The following ITPR3 variants were observed in gnomAD, a reference collection of about 807,000 sequenced individuals.
ITPR3 encodes the protein inositol 1,4,5-trisphosphate-gated calcium channel ITPR3.
A neutral mutation model predicts 293.2 loss-of-function variants in ITPR3; 173 were observed. The observed-to-expected ratio is 0.59, with a 90% confidence interval of 0.52 to 0.67. The LOEUF (loss-of-function observed/expected upper bound fraction) is 0.67. Among genes scored for constraint, ITPR3 ranks in the 30% least tolerant of loss-of-function variants. The probability of loss-of-function intolerance (pLI) is 0.00; values close to 1 mark genes in which losing one functional copy is unlikely to be tolerated. For synonymous variants in ITPR3, 1,295 were observed against 1,444.4 expected (o/e 0.90, Z 2.35); for missense variants, 2,796 against 3,592.1 (o/e 0.78, Z 5.66).
chr6:33,636,625 G>C (rs1372986573), intron 1 of ITPR3, among the ~76,000 whole-genome samples: 1 of 151,982 alleles, frequency 6.6e-6, no homozygotes, highest in Non-Finnish European at 1.5e-5. Context: ...AGATGGGGAG[G>C]ACCTCTGGAG....
At position 33,683,527 on chromosome 6, in the gene ITPR3, G is replaced by A; in HGVS notation, c.4788+130G>A. ...TGCCCACACTTCCAGGAAGGGGCTG[G>A]TTGGCTTCTCTACACTCTGGGGCTG... On this transcript the variant is annotated intron_variant, in intron 35 of 57. Coordinates refer to ENST00000605930, the MANE Select transcript of ITPR3 (RefSeq NM_002224.4). This position sits in a 1 kb window ranked among gnomAD's most constrained non-coding sequence, Gnocchi z 4.5. 1.2e-6 allele frequency: 1 copy of A among 842,930 alleles called. No individual in the cohort carries two copies. The highest frequency in any genetic ancestry group is 1.8e-6 in the Non-Finnish European group (1 of 567,326). The allele number at this position is 842,930 out of a possible 1,614,324, so 52.2% of individuals were successfully genotyped here.
intron 18 of ITPR3, among the ~76,000 whole-genome samples, chr6:33,669,990 TC>T (rs1451845920): frequency 2.1e-5 from 3 of 143,050 alleles, no homozygotes; most frequent in Non-Finnish European, 4.6e-5. Context: ...CTCCCCCTCC[TC>T]CCTCTCCCAT....
At chr6:33,678,965 C>A in intron 30 of ITPR3, 126 bp downstream of exon 30, 1 of 947,160 alleles carries the variant, frequency 1.1e-6, no homozygotes, top group South Asian at 1.6e-5. Flanking sequence ...CAGCTGCTGA[C>A]CATGGAGGGG....
Position 33,672,360 on chromosome 6 carries a change from C to A in ITPR3, c.2928+132C>A. 1.3e-6 allele frequency: 1 copy of A among 772,298 alleles called. No individual in the cohort carries two copies. The highest frequency in any genetic ancestry group is 2.0e-6 in the Non-Finnish European group (1 of 489,428). The allele number at this position is 772,298 out of a possible 1,614,324, so 47.8% of individuals were successfully genotyped here. On this transcript the variant is annotated intron_variant, in intron 22 of 57. Coordinates refer to ENST00000605930, the MANE Select transcript of ITPR3 (RefSeq NM_002224.4). The surrounding 1 kb of genome is among the most constrained non-coding windows in gnomAD (Gnocchi z 5.0). ...TACTGGAAGTCTCCATCGTGACTGGCTGTCAGGCCCAGCGGTTCCCACAGT... is the reference window on the plus strand; with the variant it reads ...TACTGGAAGTCTCCATCGTGACTGGATGTCAGGCCCAGCGGTTCCCACAGT...
chr6:33,625,551 A>C (rs1763532624), intron 1 of ITPR3, among the ~76,000 whole-genome samples: 1 of 152,154 alleles, frequency 6.6e-6, no homozygotes. Flanking sequence ...GAGTACCCAG[A>C]GAGGTAGCCC....
At position 33,686,422 on chromosome 6, in the gene ITPR3, C is replaced by T. The variant is rs764916084; in HGVS notation, c.5882C>T (p.Thr1961Ile). ...GCCTCCTGCCAGACTTGCATTGTGA[C>T]TCACGAGTCCAATGGCATAGACATC... ...PCHENQTCIVTHESNGIDIIT... is the reference protein window; with the variant it reads ...PCHENQTCIVIHESNGIDIIT... Residue 1961 changes from threonine to isoleucine, a missense_variant, in exon 43 of 58, where the codon ACT becomes ATT. This residue lies in a region of ITPR3 where 704 missense variants were observed against 797.5 expected (regional missense o/e 0.88). Coordinates refer to ENST00000605930, the MANE Select transcript of ITPR3 (RefSeq NM_002224.4). The T allele has an allele frequency of 1.9e-6, 3 of 1,614,070 alleles. No individual in the cohort carries two copies. In the South Asian group the frequency reaches 3.3e-5, roughly 18 times the overall value.
Position 33,692,940 on chromosome 6 carries a change from G to A in ITPR3, c.7624+47G>A, listed in dbSNP as rs946533424. On this transcript the variant is annotated intron_variant, in intron 55 of 57. Transcript: ENST00000605930. The surrounding 1 kb of genome is among the most constrained non-coding windows in gnomAD (Gnocchi z 4.2). ...GTGGAGGCCGCAGCGGGGCTGGAAC[G>A]TCATCTGATGCCAGTGGCAGTAGCG... The A allele has an allele frequency of 2.5e-6, 4 of 1,593,294 alleles. No individual in the cohort carries two copies. The highest frequency in any genetic ancestry group is 1.3e-5 in the African/African-American group (1 of 74,626).
In ITPR3 at chr6:33,693,526, C is replaced by T; in HGVS notation, c.7625-19C>T. 6.2e-7 allele frequency: 1 copy of T among 1,612,586 alleles called. No homozygotes were observed. Among genetic ancestry groups the T allele is most frequent in the Non-Finnish European group, 8.5e-7 (1 of 1,178,938 alleles). ...CTCTTGAAGGCTGATGGTTTCATTC[C>T]CGCCCTCTGCACCCTCAGGTCTGGA... On this transcript the variant is annotated intron_variant, in intron 55 of 57. Coordinates refer to ENST00000605930, the MANE Select transcript of ITPR3 (RefSeq NM_002224.4).
intron 2 of ITPR3, among the ~76,000 whole-genome samples, chr6:33,649,688 C>T (rs1042042144): frequency 1.3e-5 from 2 of 152,194 alleles, no homozygotes; most frequent in Non-Finnish European, 2.9e-5. Context: ...TTACTGCAAC[C>T]GTATAACTTG....
intron 42 of ITPR3, 25 bp from the exon 43 acceptor site, chr6:33,686,384 T>G: frequency 6.2e-7 from 1 of 1,606,634 alleles, no homozygotes; most frequent in Non-Finnish European, 8.5e-7. Flanking sequence ...GCCTGGGCCC[T>G]GTGTCCCCCA....
chr6:33,677,045 C>G lies in ITPR3; in HGVS notation c.3478C>G (p.Pro1160Ala). Residue 1160 changes from proline (P) to alanine (A), a missense_variant, in exon 27 of 58, where the codon CCA (proline) becomes GCA (alanine). This residue lies in a region of ITPR3 where 344 missense variants were observed against 460.3 expected (regional missense o/e 0.75). Coordinates refer to ENST00000605930, the MANE Select transcript of ITPR3 (RefSeq NM_002224.4). ...CACGGACGAGGAGGGCTTTCTGCAC[C>G]CACCAGGGGAGAAAAGCAGTGAGAA... ...RPTDEEGFLH[P>A]PGEKSSENYQ... The G allele has an allele frequency of 6.2e-7, 1 of 1,614,168 alleles. No homozygotes were observed.
chr6:33,671,024 T>A, intron 20 of ITPR3, 141 bp from the exon 21 acceptor site: 2 of 1,429,130 alleles, frequency 1.4e-6, no homozygotes. Flanking sequence ...TGCCTCTCCC[T>A]GCTCCGCTCT....
chr6:33,666,041 G>T lies in ITPR3; in HGVS notation c.1551+65G>T, dbSNP rs1204104323. 1 of 1,525,260 alleles carries T rather than the reference G, an allele frequency of 6.6e-7. No individual in the cohort carries two copies. The highest frequency in any genetic ancestry group is 8.9e-7 in the Non-Finnish European group (1 of 1,127,472). The allele number at this position is 1,525,260 out of a possible 1,614,324, so 94.5% of individuals were successfully genotyped here. On this transcript the variant is annotated intron_variant, in intron 14 of 57. Transcript: ENST00000605930. The surrounding 1 kb of genome is among the most constrained non-coding windows in gnomAD (Gnocchi z 5.1). ...GCCCGGGAGAGGGATGCCTTCAACT[G>T]CAGGCTCATCCCCCGCTTTAACAAA...
Position 33,658,811 on chromosome 6 carries a change from C to T in ITPR3, c.511C>T (p.Arg171Trp), listed in dbSNP as rs1764378321. 2 of 1,614,084 alleles carry T rather than the reference C, an allele frequency of 1.2e-6. No homozygotes were observed. Among genetic ancestry groups the T allele is most frequent in the Non-Finnish European group, 1.7e-6 (2 of 1,180,002 alleles). Residue 171 changes from arginine (R) to tryptophan (W), a missense_variant, in exon 5 of 58, where the codon CGG becomes TGG. Transcript: ENST00000605930. This position sits in a 1 kb window ranked among gnomAD's most constrained non-coding sequence, Gnocchi z 6.1. The stretch of plus-strand genomic sequence containing the variant: ...CTTCATCCAGCCCTTCTGGAAGCTG[C>T]GGAGCAACGGGGACAACGTGAGGGC... ...WLFIQPFWKLRSNGDNVVVGD... is the reference protein window; with the variant it reads ...WLFIQPFWKLWSNGDNVVVGD...
At chr6:33,680,518 G>T in intron 32 of ITPR3, 37 bp from the exon 33 acceptor site, 1 of 1,610,884 alleles carries the variant, frequency 6.2e-7, no homozygotes, top group Non-Finnish European at 8.5e-7. Context: ...GGGGCCCCAT[G>T]TGAGGAGCCC....
chr6:33,680,272 G>A, intron 31 of ITPR3, 57 bp from the exon 32 acceptor site: 2 of 1,582,968 alleles, frequency 1.3e-6, no homozygotes, highest in Non-Finnish European at 1.7e-6. Flanking sequence ...CATTGTGGCA[G>A]GGAGAGCCTG....
At chr6:33,652,744 A>T (rs760505776) in intron 2 of ITPR3, among the ~76,000 whole-genome samples, 4 of 152,106 alleles carry the variant, frequency 2.6e-5, no homozygotes, top group Admixed American at 6.5e-5. Flanking sequence ...GATTACAGGC[A>T]TGAGCCACCG....
Position 33,679,357 on chromosome 6 carries a change from C to T in ITPR3, c.3972+518C>T, listed in dbSNP as rs554997790. Among the ~76,000 whole-genome samples, 3 of 152,154 alleles carry T rather than the reference C, an allele frequency of 2.0e-5. No individual in the cohort carries two copies. On this transcript the variant is annotated intron_variant, in intron 30 of 57. Coordinates refer to ENST00000605930, the MANE Select transcript of ITPR3 (RefSeq NM_002224.4). The surrounding 1 kb of genome is among the most constrained non-coding windows in gnomAD (Gnocchi z 4.2). ...ATCTGGAACAGACGTGGTCCCTGCC[C>T]CTGAGCATCTGACAGTGTAGGCGGC...
chr6:33,658,913 G>A lies in ITPR3; in HGVS notation c.528+85G>A. 1 of 1,600,146 alleles carries A rather than the reference G, an allele frequency of 6.2e-7. No homozygotes were observed. The highest frequency in any genetic ancestry group is 8.5e-7 in the Non-Finnish European group (1 of 1,169,750). On this transcript the variant is annotated intron_variant, in intron 5 of 57. Transcript: ENST00000605930. The surrounding 1 kb of genome is among the most constrained non-coding windows in gnomAD (Gnocchi z 6.1). ...TCTTCGGTGTGGGGACTGGATAAGG[G>A]CATGCCCATTTCTTAGAAGGGCAGA... is the stretch of plus-strand genomic sequence containing the variant.
Sources: gnomAD v4.1 joint callset for allele counts (sites outside exome capture counted in the v4.1 genomes callset) on GRCh38, gnomAD v4.1.1 for gene constraint, gnomAD v4.1.1 regional missense constraint, Gnocchi (gnomAD v3.1) non-coding constraint, MANE v1.5 for transcripts, NCBI Gene and HGNC (gene_info 2026-07-23, HGNC 2026-07-21) for gene names.